NR6A1: variants seen among roughly 807,000 people sequenced by gnomAD.
The protein encoded by NR6A1 is retinoic acid receptor-related testis-associated receptor.
Under a neutral mutation model 59.1 loss-of-function variants are expected in NR6A1, and 7 were observed. The ratio of observed to expected loss-of-function variants is 0.12; its 90% CI spans 0.07 to 0.22. The LOEUF is 0.22. Ranked by LOEUF, NR6A1 falls within the 10% of genes least tolerant of loss-of-function variation. NR6A1 has a pLI of 1.00. For missense variants in NR6A1, 468 were observed against 611.6 expected (o/e 0.77, Z 2.48); for synonymous variants, 243 against 236.1 (o/e 1.03, Z -0.27).
chr9:124,595,851 C>T (rs1426260251), intron 2 of NR6A1: 2 of 1,284,122 alleles, frequency 1.6e-6, no homozygotes, highest in African/African-American at 3.0e-5. Flanking sequence ...GATGACTACC[C>T]TTCCGACACT....
chr9:124,726,474 T>C (rs1425149794), intron 2 of NR6A1, among the ~76,000 whole-genome samples: 4 of 152,222 alleles, frequency 2.6e-5, no homozygotes, highest in Non-Finnish European at 4.4e-5. Flanking sequence ...ATGGATTGAT[T>C]CAGCTCACGT....
At chr9:124,562,789 T>C (rs1442368742) in intron 2 of NR6A1, among the ~76,000 whole-genome samples, 1 of 152,204 alleles carries the variant, frequency 6.6e-6, no homozygotes, top group East Asian at 1.9e-4. Flanking sequence ...GCTGCTGATA[T>C]GGTTGGCCTA....
At chr9:124,528,803 G>GT (rs1245220445) in intron 7 of NR6A1, among the ~76,000 whole-genome samples, 14 of 152,204 alleles carry the variant, frequency 9.2e-5, no homozygotes, top group African/African-American at 3.4e-4. Flanking sequence ...AAAAACCAGT[G>GT]TAATAACTAT....
chr9:124,568,168 T>G (rs1246961011), intron 2 of NR6A1, among the ~76,000 whole-genome samples: 1 of 18,922 alleles, frequency 5.3e-5, no homozygotes, highest in Non-Finnish European at 8.9e-5. Flanking sequence ...ATACTTCATC[T>G]CAAAAAAAAA....
At chr9:124,691,262 T>C (rs1221794042) in intron 2 of NR6A1, among the ~76,000 whole-genome samples, 1 of 152,240 alleles carries the variant, frequency 6.6e-6, no homozygotes, top group Non-Finnish European at 1.5e-5. Flanking sequence ...TGAATTAAAC[T>C]GATATAGAAG....
intron 2 of NR6A1, among the ~76,000 whole-genome samples, chr9:124,611,414 C>T (rs1835739956): frequency 6.6e-6 from 1 of 152,028 alleles, no homozygotes; most frequent in South Asian, 2.1e-4. Context: ...CCACCAAAGA[C>T]TACTCTCCAG....
chr9:124,675,899 C>G (rs562181959), intron 2 of NR6A1, among the ~76,000 whole-genome samples: 1 of 152,156 alleles, frequency 6.6e-6, no homozygotes, highest in Non-Finnish European at 1.5e-5. Flanking sequence ...AAAAAGTACG[C>G]TCTTGCCGGT....
At chr9:124,613,464 T>C (rs931658979) in intron 2 of NR6A1, among the ~76,000 whole-genome samples, 1 of 152,026 alleles carries the variant, frequency 6.6e-6, no homozygotes, top group African/African-American at 2.4e-5. Context: ...CTGGGCAACA[T>C]GACAAGACCG....
intron 2 of NR6A1, among the ~76,000 whole-genome samples, chr9:124,574,562 T>C (rs1834535919): frequency 6.6e-6 from 1 of 152,218 alleles, no homozygotes; most frequent in Non-Finnish European, 1.5e-5. Flanking sequence ...GGTCTTAATA[T>C]AATCTGTGAA....
chr9:124,675,544 T>G lies in NR6A1; in HGVS notation c.142+57764A>C, dbSNP rs182629124. Among the ~76,000 whole-genome samples, 318 of 152,332 alleles carry G rather than the reference T, an allele frequency of 2.1e-3. 1 individual carries two copies. Among genetic ancestry groups the G allele is most frequent in the Non-Finnish European group, 3.2e-3 (217 of 68,030 alleles). On this transcript the variant is annotated intron_variant, in intron 2 of 9. Transcript: ENST00000487099. The stretch of plus-strand genomic sequence containing the variant: ...TTTGAAATTTAAATAAAGCCAGGTC[T>G]GGCTAAAGAGCTGCAGCTGTAGTTG...
rs555941530 is a variant in NR6A1 at position 124,770,931 on chromosome 9, C to T, written c.100+89G>A. The T allele has an allele frequency of 1.6e-4, 121 of 760,736 alleles. No homozygotes were observed. The African/African-American group carries it at 1.9e-3, about 12-fold the overall frequency. The allele number at this position is 760,736 out of a possible 1,614,324, so 47.1% of individuals were successfully genotyped here. On this transcript the variant is annotated intron_variant, in intron 1 of 9. Coordinates refer to ENST00000487099, the MANE Select transcript of NR6A1 (RefSeq NM_033334.4). Reference sequence around the variant, plus strand: ...GCGGGGCCGCTGCGGCTTCCCAGGGCGAGGGTCGGCAGAGAGGAGGGGGAT... The same window carrying T: ...GCGGGGCCGCTGCGGCTTCCCAGGGTGAGGGTCGGCAGAGAGGAGGGGGAT...
At chr9:124,529,226 C>T (rs1027774750) in intron 7 of NR6A1, among the ~76,000 whole-genome samples, 1 of 152,182 alleles carries the variant, frequency 6.6e-6, no homozygotes, top group Non-Finnish European at 1.5e-5. Context: ...TACCACTCTA[C>T]CATTTGTTGA....
intron 2 of NR6A1, among the ~76,000 whole-genome samples, chr9:124,569,382 G>A (rs1003706701): frequency 1.3e-5 from 2 of 152,176 alleles, no homozygotes; most frequent in Admixed American, 6.5e-5. Context: ...ACCCCAGGAA[G>A]GGCATTTTAC....
chr9:124,582,635 C>G (rs1259992581), intron 2 of NR6A1, among the ~76,000 whole-genome samples: 1 of 151,836 alleles, frequency 6.6e-6, no homozygotes, highest in Non-Finnish European at 1.5e-5. Context: ...GCCTGTAATC[C>G]TAGCACTTTG....
At position 124,634,977 on chromosome 9, in the gene NR6A1, A is replaced by G. The variant is rs1836559428; in HGVS notation, c.143-80407T>C. ...CACCAGAGGGGTATATTTGATACAAATGATGAAACTACATTGACACATCAT... is the reference window on the plus strand; with the variant it reads ...CACCAGAGGGGTATATTTGATACAAGTGATGAAACTACATTGACACATCAT... On this transcript the variant is annotated intron_variant, in intron 2 of 9. Coordinates refer to ENST00000487099, the MANE Select transcript of NR6A1 (RefSeq NM_033334.4). 1.3e-5 allele frequency among the ~76,000 whole-genome samples: 2 copies of G among 152,210 alleles called. 1 individual carries two copies. Among genetic ancestry groups the G allele is most frequent in the Non-Finnish European group, 2.9e-5 (2 of 68,028 alleles).
chr9:124,749,973 C>T (rs1840449157), intron 1 of NR6A1, among the ~76,000 whole-genome samples: 2 of 152,182 alleles, frequency 1.3e-5, no homozygotes, highest in South Asian at 4.1e-4. Context: ...TAACAATCTT[C>T]TCTCTGAATA....
chr9:124,525,427 T>C (rs1482507960), intron 8 of NR6A1, among the ~76,000 whole-genome samples: 1 of 152,042 alleles, frequency 6.6e-6, no homozygotes, highest in Non-Finnish European at 1.5e-5. Flanking sequence ...TGCAGTGGTG[T>C]GATCAACAGC....
intron 2 of NR6A1, among the ~76,000 whole-genome samples, chr9:124,690,870 T>C (rs538080833): frequency 2.6e-5 from 4 of 152,338 alleles, no homozygotes; most frequent in South Asian, 4.1e-4. Flanking sequence ...CATTATGCCA[T>C]GATACACAAT....
intron 4 of NR6A1, 134 bp downstream of exon 4, chr9:124,543,668 A>T: frequency 1.7e-6 from 1 of 605,640 alleles, no homozygotes; most frequent in Non-Finnish European, 2.8e-6. Flanking sequence ...AGGATGTAAA[A>T]GCACTTTTAC....
Sources: allele counts gnomAD v4.1 joint callset (sites outside exome capture counted in the v4.1 genomes callset), GRCh38; gene constraint gnomAD v4.1.1; transcripts MANE v1.5; gene names NCBI Gene and HGNC (gene_info 2026-07-23, HGNC 2026-07-21).